Variants in PARG observed in about 807,000 individuals in gnomAD.
The protein encoded by PARG is mitochondrial poly(ADP-ribose) glycohydrolase.
A neutral mutation model predicts 113.0 loss-of-function variants in PARG; 35 were observed. The ratio of observed to expected loss-of-function variants is 0.31; its 90% CI spans 0.24 to 0.41. The LOEUF is 0.41. Among genes scored for constraint, PARG ranks in the 10% least tolerant of loss-of-function variants. The pLI is 1.00. For missense variants in PARG, 797 were observed against 1,169.4 expected (o/e 0.68, Z 4.64); for synonymous variants, 330 against 409.9 (o/e 0.81, Z 2.36).
At chr10:49,937,754 TTC>T (rs1838824692) in intron 1 of PARG, among the ~76,000 whole-genome samples, 2 of 152,164 alleles carry the variant, frequency 1.3e-5, no homozygotes, top group Admixed American at 6.5e-5. Context: ...TGAGAATGTG[TTC>T]TCTCTCTAGT....
chr10:49,914,875 T>C (rs1341526062), intron 7 of PARG, among the ~76,000 whole-genome samples: 2 of 152,180 alleles, frequency 1.3e-5, no homozygotes, highest in African/African-American at 2.4e-5. Flanking sequence ...GGACAACTTG[T>C]TATCCACATG....
intron 1 of PARG, among the ~76,000 whole-genome samples, chr10:49,940,176 TC>T (rs1192429830): frequency 7.9e-5 from 12 of 151,472 alleles, no homozygotes; most frequent in African/African-American, 2.9e-4. Context: ...CATGAATCCA[TC>T]CCCTTCCCTA....
Position 49,857,352 on chromosome 10 carries a change from C to T in PARG, c.2307G>A (p.Arg769=), listed in dbSNP as rs1407963994. 1 of 1,257,030 alleles carries T rather than the reference C, an allele frequency of 8.0e-7. No homozygotes were observed. Among genetic ancestry groups the T allele is most frequent in the Non-Finnish European group, 1.1e-6 (1 of 870,680 alleles). The allele number at this position is 1,257,030 out of a possible 1,614,324, so 77.9% of individuals were successfully genotyped here. A position where few individuals can be genotyped will look rare whatever the true frequency, so the allele number is the denominator to read the frequency against. Reference sequence around the variant, plus strand: ...TGTGATCCAGCACCTCAGTGAAGAGCCGTGAAATAATCAACTCAGGATTGA... The same window carrying T: ...TGTGATCCAGCACCTCAGTGAAGAGTCGTGAAATAATCAACTCAGGATTGA... ...FLINPELIIS[R]LFTEVLDHNE... Residue 769 remains arginine (R), a synonymous_variant, in exon 13 of 18, where the codon CGG becomes CGA. Coordinates refer to ENST00000616448, the MANE Select transcript of PARG (RefSeq NM_003631.5).
intron 7 of PARG, among the ~76,000 whole-genome samples, chr10:49,911,282 CAA>C (rs1210324104): frequency 4.1e-4 from 36 of 88,150 alleles, no homozygotes; most frequent in Admixed American, 9.1e-4. Context: ...GACTGTGTCT[CAA>C]AAAAAAAAAA....
chr10:49,917,888 T>C (rs1837593533), intron 6 of PARG, among the ~76,000 whole-genome samples: 1 of 151,442 alleles, frequency 6.6e-6, no homozygotes, highest in African/African-American at 2.4e-5. Context: ...ATCACTGGTA[T>C]CTAATTTCAA....
intron 15 of PARG, among the ~76,000 whole-genome samples, chr10:49,840,916 TG>T (rs35124368): frequency 6.6e-6 from 1 of 152,146 alleles, no homozygotes; most frequent in Admixed American, 6.5e-5. Context: ...TTTTCAGAAT[TG>T]GGTCAGTCTT....
chr10:49,911,179 A>T (rs1245453290), intron 7 of PARG, among the ~76,000 whole-genome samples: 10 of 151,616 alleles, frequency 6.6e-5, no homozygotes, highest in Admixed American at 6.6e-4. Context: ...GCTACTCAGG[A>T]GGCTGAGGCG....
intron 7 of PARG, among the ~76,000 whole-genome samples, chr10:49,901,231 C>T (rs1283138488): frequency 6.6e-6 from 1 of 151,186 alleles, no homozygotes; most frequent in Admixed American, 6.6e-5. Flanking sequence ...CTGCCTCGGC[C>T]TCCCAAGTAG....
intron 2 of PARG, among the ~76,000 whole-genome samples, chr10:49,934,819 A>G (rs1838670413): frequency 6.6e-6 from 1 of 151,916 alleles, no homozygotes; most frequent in East Asian, 1.9e-4. Flanking sequence ...ACTACACTCC[A>G]GCCTGGGCAA....
At chr10:49,915,079 T>C (rs1202070497) in intron 7 of PARG, among the ~76,000 whole-genome samples, 1 of 151,928 alleles carries the variant, frequency 6.6e-6, no homozygotes, top group Admixed American at 6.6e-5. Context: ...TTCATGATCT[T>C]AGATTAGCTT....
chr10:49,860,953 G>T (rs1846218455), intron 12 of PARG, among the ~76,000 whole-genome samples: 1 of 151,758 alleles, frequency 6.6e-6, no homozygotes, highest in African/African-American at 2.4e-5. Context: ...CGGGGCTTTT[G>T]TTAACCCCCT....
chr10:49,877,494 TAA>T (rs1847003576), intron 9 of PARG, among the ~76,000 whole-genome samples: 1 of 141,368 alleles, frequency 7.1e-6, no homozygotes, highest in Non-Finnish European at 1.5e-5. Flanking sequence ...CGTTGTACAA[TAA>T]AAGAGACCAG....
intron 6 of PARG, among the ~76,000 whole-genome samples, chr10:49,920,539 TAC>T (rs1472611810): frequency 1.4e-5 from 2 of 140,034 alleles, no homozygotes; most frequent in Non-Finnish European, 3.1e-5. Context: ...TGTATATATA[TAC>T]ACATATATAT....
intron 12 of PARG, among the ~76,000 whole-genome samples, chr10:49,861,118 TATCA>T (rs1260552440): frequency 6.6e-6 from 1 of 152,220 alleles, no homozygotes; most frequent in Non-Finnish European, 1.5e-5. Flanking sequence ...AGGCCTTTCT[TATCA>T]ATCAGTTTTA....
intron 13 of PARG, among the ~76,000 whole-genome samples, chr10:49,846,014 TG>T (rs1554833257): frequency 6.6e-6 from 1 of 150,884 alleles, no homozygotes; most frequent in African/African-American, 2.4e-5. Flanking sequence ...ACAGAATAAC[TG>T]GGGGCTGTAG....
intron 7 of PARG, among the ~76,000 whole-genome samples, chr10:49,910,436 T>G (rs1400290051): frequency 6.6e-6 from 1 of 152,204 alleles, no homozygotes; most frequent in African/African-American, 2.4e-5. Flanking sequence ...AGGTTTTTCA[T>G]TTTTTACTTT....
chr10:49,906,785 G>C (rs1554845109), intron 7 of PARG, among the ~76,000 whole-genome samples: 1 of 152,226 alleles, frequency 6.6e-6, no homozygotes, highest in African/African-American at 2.4e-5. Context: ...AAACACAAAG[G>C]AGATATTTAC....
chr10:49,851,871 C>T (rs1424473102), intron 13 of PARG, among the ~76,000 whole-genome samples: 3 of 149,750 alleles, frequency 2.0e-5, no homozygotes, highest in Non-Finnish European at 4.4e-5. Flanking sequence ...TAACTCATGG[C>T]TGCCCCAGGC....
intron 7 of PARG, among the ~76,000 whole-genome samples, chr10:49,895,490 G>A (rs1196861533): frequency 1.7e-4 from 25 of 151,084 alleles, no homozygotes; most frequent in African/African-American, 5.6e-4. Context: ...TGCAACCTCC[G>A]CCTCCTGGGT....
Sources: allele counts gnomAD v4.1 joint callset (sites outside exome capture counted in the v4.1 genomes callset), GRCh38; gene constraint gnomAD v4.1.1; transcripts MANE v1.5; gene names NCBI Gene and HGNC (gene_info 2026-07-23, HGNC 2026-07-21).